The following MAP3K4 variants were observed in gnomAD, a reference collection of about 807,000 sequenced individuals.
The protein encoded by MAP3K4 is mitogen-activated protein kinase kinase kinase 4.
Under a neutral mutation model 185.6 loss-of-function variants are expected in MAP3K4, and 67 were observed. That is an observed-to-expected ratio of 0.36 (90% CI 0.30 to 0.44). MAP3K4 has a LOEUF of 0.44. MAP3K4 is among the 20% of genes least tolerant of loss of function. MAP3K4 has a pLI of 1.00. For synonymous variants in MAP3K4, 702 were observed against 710.4 expected, an observed-to-expected ratio of 0.99 and a Z score of 0.19; for missense variants, 1,551 against 1,995.1, an observed-to-expected ratio of 0.78 and a Z score of 4.24.
chr6:161,031,329 G>T (rs1782920634), intron 1 of MAP3K4, among the ~76,000 whole-genome samples: 1 of 152,156 alleles, frequency 6.6e-6, no homozygotes, highest in East Asian at 1.9e-4. Context: ...GAAATAATTT[G>T]TCTACAGTTG....
Position 161,116,465 on chromosome 6 carries a change from G to A in MAP3K4, c.4807-385G>A, listed in dbSNP as rs1021606614. On this transcript the variant is annotated intron_variant, in intron 26 of 26. Coordinates refer to ENST00000392142, the MANE Select transcript of MAP3K4 (RefSeq NM_005922.4). This position sits in a 1 kb window ranked among gnomAD's most constrained non-coding sequence, Gnocchi z 6.2. ...GAGTCCCTGGGAAAGGAAAGGAAGG[G>A]GCAGAAGAGTGGGGTGATGCTCTTA... is the stretch of plus-strand genomic sequence containing the variant. 2.0e-5 allele frequency among the ~76,000 whole-genome samples: 3 copies of A among 151,982 alleles called. No individual in the cohort carries two copies. Among genetic ancestry groups the A allele is most frequent in the Non-Finnish European group, 2.9e-5 (2 of 67,988 alleles).
At chr6:160,993,976 A>G (rs936282256) in intron 1 of MAP3K4, among the ~76,000 whole-genome samples, 1 of 152,180 alleles carries the variant, frequency 6.6e-6, no homozygotes, top group Admixed American at 6.5e-5. Flanking sequence ...CCTGCTCTTC[A>G]ATACATAGAA....
At chr6:161,079,316 G>T (rs148018298) in intron 5 of MAP3K4, among the ~76,000 whole-genome samples, 3 of 151,512 alleles carry the variant, frequency 2.0e-5, no homozygotes, top group Non-Finnish European at 2.9e-5. Flanking sequence ...AGTGGTTCAC[G>T]CCTGTAATCC....
chr6:160,994,326 A>G (rs190568162), intron 1 of MAP3K4, among the ~76,000 whole-genome samples: 1 of 152,210 alleles, frequency 6.6e-6, no homozygotes, highest in African/African-American at 2.4e-5. Context: ...AAAGTCCATT[A>G]TATCATTCTT....
chr6:160,992,137 C>T, intron 1 of MAP3K4, 54 bp downstream of exon 1: 1 of 1,469,870 alleles, frequency 6.8e-7, no homozygotes, highest in Non-Finnish European at 8.9e-7. Context: ...GGGTCCTGGC[C>T]CGAACTCGGT....
chr6:161,041,158 A>G (rs1215153953), intron 2 of MAP3K4, among the ~76,000 whole-genome samples: 2 of 152,188 alleles, frequency 1.3e-5, no homozygotes, highest in East Asian at 3.8e-4. Flanking sequence ...AGCCCAAGGA[A>G]TAGCAGGAGG....
rs533438223 is a variant in MAP3K4, at chr6:161,070,070, T to G, written c.1708-538T>G. Reference sequence around the variant, plus strand: ...ATGCCAACCAGGTTGATCTTAACGATTTTTTAATTTTTCTGTCAGCATCGT... The same window carrying G: ...ATGCCAACCAGGTTGATCTTAACGAGTTTTTAATTTTTCTGTCAGCATCGT... On this transcript the variant is annotated intron_variant, in intron 3 of 26. Coordinates refer to ENST00000392142, the MANE Select transcript of MAP3K4 (RefSeq NM_005922.4). This position sits in a 1 kb window ranked among gnomAD's most constrained non-coding sequence, Gnocchi z 4.5. Among the ~76,000 whole-genome samples the G allele has an allele frequency of 2.0e-5, 3 of 152,320 alleles. No homozygotes were observed. The highest frequency in any genetic ancestry group is 7.2e-5 in the African/African-American group (3 of 41,566).
chr6:161,095,683 G>A lies in MAP3K4; in HGVS notation c.3428-1397G>A, dbSNP rs147023906. Among the ~76,000 whole-genome samples, 473 of 152,326 alleles carry A rather than the reference G, an allele frequency of 3.1e-3. 4 individuals carry two copies. The highest frequency in any genetic ancestry group is 0.011 in the African/African-American group (448 of 41,580). On this transcript the variant is annotated intron_variant, in intron 15 of 26. Coordinates refer to ENST00000392142, the MANE Select transcript of MAP3K4 (RefSeq NM_005922.4). ...TCTTTTCATTGGCCACACTGTGGCCGTCATGAATGTACTGTAATTCTTTCT... is the reference window on the plus strand; with the variant it reads ...TCTTTTCATTGGCCACACTGTGGCCATCATGAATGTACTGTAATTCTTTCT...
intron 15 of MAP3K4, among the ~76,000 whole-genome samples, chr6:161,094,467 GAAAAC>G (rs1295514630): frequency 2.6e-5 from 4 of 152,076 alleles, no homozygotes; most frequent in African/African-American, 9.7e-5. Flanking sequence ...TTGAAATGTT[GAAAAC>G]AAAATATATG....
At chr6:161,094,012 C>T (rs1403512925) in intron 15 of MAP3K4, among the ~76,000 whole-genome samples, 161 bp downstream of exon 15, 3 of 151,802 alleles carry the variant, frequency 2.0e-5, no homozygotes, top group Non-Finnish European at 4.4e-5. Flanking sequence ...ATAGAGAACT[C>T]CGCAGCAACC....
chr6:161,058,175 T>C (rs1195429707), intron 3 of MAP3K4, among the ~76,000 whole-genome samples: 1 of 152,262 alleles, frequency 6.6e-6, no homozygotes, highest in East Asian at 1.9e-4. Flanking sequence ...CTTGACAGTG[T>C]ACAGTCTCCC....
At position 161,070,700 on chromosome 6, in the gene MAP3K4, G is replaced by T. The variant is rs143597315; in HGVS notation, c.1800G>T (p.Ser600=). 1.2e-6 allele frequency: 2 copies of T among 1,614,104 alleles called. No individual in the cohort carries two copies. Among genetic ancestry groups the T allele is most frequent in the Non-Finnish European group, 1.7e-6 (2 of 1,180,032 alleles). The change falls in exon 4 of 27, where the codon TCG becomes TCT. Residue 600 remains serine (S), a synonymous_variant. Coordinates refer to ENST00000392142, the MANE Select transcript of MAP3K4 (RefSeq NM_005922.4). The surrounding 1 kb of genome is among the most constrained non-coding windows in gnomAD (Gnocchi z 4.5). The part of the protein sequence containing the change: ...PSSEEKCSAV[S]WEELKAMDLP... Reference sequence around the variant, plus strand: ...CTGAGGAGAAATGCAGTGCTGTGTCGTGGGAGGAGCTGAAGGCCATGGATT... The same window carrying T: ...CTGAGGAGAAATGCAGTGCTGTGTCTTGGGAGGAGCTGAAGGCCATGGATT...
intron 1 of MAP3K4, among the ~76,000 whole-genome samples, chr6:161,004,801 A>G (rs944309864): frequency 6.6e-6 from 1 of 152,362 alleles, no homozygotes; most frequent in East Asian, 1.9e-4. Flanking sequence ...TCAAGGACAT[A>G]ATAAGTTGGC....
chr6:161,093,916 A>C lies in MAP3K4; in HGVS notation c.3427+65A>C. 1 of 1,210,828 alleles carries C rather than the reference A, an allele frequency of 8.3e-7. No individual in the cohort carries two copies. Among genetic ancestry groups the C allele is most frequent in the Non-Finnish European group, 1.2e-6 (1 of 825,246 alleles). 75.0% of individuals were successfully genotyped at this position (1,210,828 alleles called of 1,614,324 possible). A position where few individuals can be genotyped will look rare whatever the true frequency, so the allele number is the denominator to read the frequency against. ...GATTTGAGTGGACAGATCCTCTTGT[A>C]ATTGCAGTCGTTTAAAATGGTATAA... On this transcript the variant is annotated intron_variant, in intron 15 of 26. Transcript: ENST00000392142. This position sits in a 1 kb window ranked among gnomAD's most constrained non-coding sequence, Gnocchi z 5.2.
Position 161,071,377 on chromosome 6 carries a change from C to T in MAP3K4, c.1950+527C>T, listed in dbSNP as rs1459081033. On this transcript the variant is annotated intron_variant, in intron 4 of 26. Coordinates refer to ENST00000392142, the MANE Select transcript of MAP3K4 (RefSeq NM_005922.4). This position sits in a 1 kb window ranked among gnomAD's most constrained non-coding sequence, Gnocchi z 4.6. The stretch of plus-strand genomic sequence containing the variant: ...AATGGGTGGAAGCAGTTGTATCCAG[C>T]AGAGTGAGTGCTGAAGAGGGTCTGT... 6.6e-6 allele frequency among the ~76,000 whole-genome samples: 1 copy of T among 152,080 alleles called. No homozygotes were observed. Among genetic ancestry groups the T allele is most frequent in the East Asian group, 1.9e-4 (1 of 5,190 alleles).
In MAP3K4 at chr6:161,101,954, C is replaced by T; in HGVS notation, c.3737C>T (p.Ser1246Phe). Residue 1246 changes from serine (S) to phenylalanine (F), a missense_variant, in exon 18 of 27, where the codon TCC becomes TTC. Coordinates refer to ENST00000392142, the MANE Select transcript of MAP3K4 (RefSeq NM_005922.4). This position sits in a 1 kb window ranked among gnomAD's most constrained non-coding sequence, Gnocchi z 5.1. ...ATAGCTGCTGAATTGCAGTTTAGGT[C>T]CCTGAGTCGTCACTCAAGCCCCACG... ...ASIAAELQFR[S>F]LSRHSSPTEE... The T allele has an allele frequency of 6.2e-7, 1 of 1,614,130 alleles. No individual in the cohort carries two copies. Among genetic ancestry groups the T allele is most frequent in the Non-Finnish European group, 8.5e-7 (1 of 1,180,008 alleles).
rs570831987 is a variant in MAP3K4, at chr6:161,098,477, C to T, written c.3674+50C>T. On this transcript the variant is annotated intron_variant, in intron 17 of 26. Coordinates refer to ENST00000392142, the MANE Select transcript of MAP3K4 (RefSeq NM_005922.4). This position sits in a 1 kb window ranked among gnomAD's most constrained non-coding sequence, Gnocchi z 4.4. ...GTACCCTCACCACCCCTTACATGCG[C>T]TTACACAGCAACCATAGTGTTAGGG... 2 of 1,570,408 alleles carry T rather than the reference C, an allele frequency of 1.3e-6. No homozygotes were observed. The highest frequency in any genetic ancestry group is 2.3e-5 in the South Asian group (2 of 85,740).
chr6:161,019,342 T>C (rs1167683316), intron 1 of MAP3K4, among the ~76,000 whole-genome samples: 2 of 152,268 alleles, frequency 1.3e-5, no homozygotes, highest in South Asian at 2.1e-4. Flanking sequence ...TTTACATCTC[T>C]GGTGTTACAT....
intron 1 of MAP3K4, among the ~76,000 whole-genome samples, chr6:161,026,531 A>G (rs1271898289): frequency 1.3e-5 from 2 of 152,182 alleles, no homozygotes; most frequent in Non-Finnish European, 2.9e-5. Context: ...GAAGATATAT[A>G]TAGACACACT....
Sources: allele counts gnomAD v4.1 joint callset (sites outside exome capture counted in the v4.1 genomes callset), GRCh38; gene constraint gnomAD v4.1.1; non-coding constraint Gnocchi (gnomAD v3.1); transcripts MANE v1.5; gene names NCBI Gene and HGNC (gene_info 2026-07-23, HGNC 2026-07-21).